Variants in ROBO2 observed in about 807,000 individuals in gnomAD.
ROBO2 encodes roundabout guidance receptor 2, also known as roundabout homolog 2.
In ROBO2, 53 loss-of-function variants were observed where a neutral mutation model predicts 160.8. That is an observed-to-expected ratio of 0.33 (90% CI 0.26 to 0.41). ROBO2 has a LOEUF of 0.41. Among genes scored for constraint, ROBO2 ranks in the 10% least tolerant of loss-of-function variants. The pLI, the probability that ROBO2 is intolerant of heterozygous loss-of-function variation, is 1.00. For synonymous variants in ROBO2, 664 were observed against 611.7 expected (o/e 1.09, Z -1.26); for missense variants, 1,577 against 1,722.4 (o/e 0.92, Z 1.49).
At chr3:76,879,132 A>C (rs2073082919) in intron 2 of ROBO2, among the ~76,000 whole-genome samples, 1 of 152,166 alleles carries the variant, frequency 6.6e-6, no homozygotes, top group Non-Finnish European at 1.5e-5. Flanking sequence ...TTCTACTTTT[A>C]TGTAAACGTT....
chr3:77,416,677 A>G (rs1472647765), intron 2 of ROBO2, among the ~76,000 whole-genome samples: 1 of 144,606 alleles, frequency 6.9e-6, no homozygotes, highest in African/African-American at 2.6e-5. Flanking sequence ...AGATCATGCC[A>G]CTGCACTCTA....
intron 2 of ROBO2, among the ~76,000 whole-genome samples, chr3:76,097,099 C>T (rs1046634915): frequency 5.3e-5 from 8 of 152,120 alleles, no homozygotes; most frequent in Non-Finnish European, 8.8e-5. Flanking sequence ...TGCATCTGGA[C>T]TGGTGGGAAA....
At chr3:76,443,253 T>A (rs553997165) in intron 2 of ROBO2, among the ~76,000 whole-genome samples, 12 of 152,150 alleles carry the variant, frequency 7.9e-5, no homozygotes, top group African/African-American at 2.9e-4. Context: ...ATGACCCAAA[T>A]ACCTCCCATC....
chr3:76,846,570 C>A (rs2148505304), intron 2 of ROBO2, among the ~76,000 whole-genome samples: 2 of 152,202 alleles, frequency 1.3e-5, no homozygotes, highest in Middle Eastern at 6.8e-3. Flanking sequence ...CTGATGGGTA[C>A]ATTGTTATTC....
intron 2 of ROBO2, among the ~76,000 whole-genome samples, chr3:76,928,535 A>G (rs933038377): frequency 2.0e-5 from 3 of 150,606 alleles, no homozygotes; most frequent in African/African-American, 4.9e-5. Context: ...TTTTAATATT[A>G]TTAGATGTTC....
rs564006373 is a variant in ROBO2, at chr3:77,315,914, T to C, written c.389-161500T>C. 7.9e-5 allele frequency among the ~76,000 whole-genome samples: 12 copies of C among 152,282 alleles called. No individual in the cohort carries two copies. The East Asian group carries it at 2.3e-3, about 29-fold the overall frequency. ...TTTTTTTTGAGGTTTCAATATTTTATTCAAGTTTCTGTAAGTGATGTTAAT... is the reference window on the plus strand; with the variant it reads ...TTTTTTTTGAGGTTTCAATATTTTACTCAAGTTTCTGTAAGTGATGTTAAT... On this transcript the variant is annotated intron_variant, in intron 2 of 25. Transcript: ENST00000461745.
At chr3:76,887,611 A>G (rs1251439209) in intron 2 of ROBO2, among the ~76,000 whole-genome samples, 1 of 152,120 alleles carries the variant, frequency 6.6e-6, no homozygotes, top group Non-Finnish European at 1.5e-5. Flanking sequence ...GCTGTTATAA[A>G]AAATGTCCTG....
At chr3:76,415,572 C>T (rs1444136543) in intron 2 of ROBO2, among the ~76,000 whole-genome samples, 1 of 152,042 alleles carries the variant, frequency 6.6e-6, no homozygotes, top group African/African-American at 2.4e-5. Context: ...TTTGTCATCA[C>T]TAAAGAAAAA....
At chr3:76,732,944 C>A (rs1417345260) in intron 2 of ROBO2, among the ~76,000 whole-genome samples, 1 of 139,714 alleles carries the variant, frequency 7.2e-6, no homozygotes, top group Non-Finnish European at 1.5e-5. Flanking sequence ...CCTTATGGCC[C>A]TGAAGTGTTC....
At chr3:76,949,939 T>C (rs2078858863) in intron 2 of ROBO2, among the ~76,000 whole-genome samples, 1 of 152,248 alleles carries the variant, frequency 6.6e-6, no homozygotes, top group African/African-American at 2.4e-5. Context: ...ATTCAACCTA[T>C]ATAAGATACA....
At chr3:76,245,239 G>C (rs1576071160) in intron 2 of ROBO2, among the ~76,000 whole-genome samples, 2 of 152,294 alleles carry the variant, frequency 1.3e-5, no homozygotes, top group East Asian at 3.9e-4. Context: ...CTTCAAATAT[G>C]TGGGTTAAGT....
chr3:77,325,870 A>T (rs1249681334), intron 2 of ROBO2, among the ~76,000 whole-genome samples: 1 of 152,194 alleles, frequency 6.6e-6, no homozygotes, highest in African/African-American at 2.4e-5. Flanking sequence ...CTCCTGGAAG[A>T]TGGAAAAGCT....
chr3:77,029,188 T>G (rs973035338), intron 2 of ROBO2, among the ~76,000 whole-genome samples: 1 of 152,094 alleles, frequency 6.6e-6, no homozygotes, highest in Non-Finnish European at 1.5e-5. Context: ...TGTGTGTGTA[T>G]GTGTGTGTGT....
intron 2 of ROBO2, among the ~76,000 whole-genome samples, chr3:76,621,788 T>C (rs13074403): frequency 0.38 from 57,489 of 152,128 alleles, 11,162 homozygotes; most frequent in East Asian, 0.47. Flanking sequence ...TTAAATCTAG[T>C]TTATGAAATT....
intron 5 of ROBO2, among the ~76,000 whole-genome samples, chr3:77,506,881 CAA>C (rs1372612548): frequency 6.6e-6 from 1 of 151,908 alleles, no homozygotes; most frequent in African/African-American, 2.4e-5. Context: ...GATGGTTATA[CAA>C]AATGAGATAA....
In ROBO2 at chr3:76,666,314, C is replaced by G. The variant is rs369211807; in HGVS notation, c.110-431700C>G. Among the ~76,000 whole-genome samples the G allele has an allele frequency of 8.5e-5, 13 of 152,122 alleles. No homozygotes were observed. In the East Asian group the frequency reaches 1.7e-3, roughly 20 times the overall value. On this transcript the variant is annotated intron_variant, in intron 2 of 26. Transcript: ENST00000487694. ...TAATTAGATTGTGAGCTGAAGTTCT[C>G]AATGATGACCAACTTTTAAGCAGGC...
chr3:76,864,801 A>T (rs556342960), intron 2 of ROBO2, among the ~76,000 whole-genome samples: 8 of 152,226 alleles, frequency 5.3e-5, no homozygotes, highest in African/African-American at 1.9e-4. Flanking sequence ...ATCAATAATG[A>T]TCTAAACTTC....
chr3:76,054,242 A>G (rs563444078), intron 2 of ROBO2, among the ~76,000 whole-genome samples: 3 of 152,294 alleles, frequency 2.0e-5, no homozygotes, highest in Admixed American at 6.5e-5. Context: ...TAAATTGTAT[A>G]CAATATTGTG....
intron 2 of ROBO2, among the ~76,000 whole-genome samples, chr3:76,201,024 T>G (rs1386210000): frequency 6.6e-6 from 1 of 150,426 alleles, no homozygotes; most frequent in Admixed American, 6.6e-5. Context: ...AGGGTTTGAA[T>G]TATTTATATT....
Sources: gnomAD v4.1 joint callset for allele counts (sites outside exome capture counted in the v4.1 genomes callset) on GRCh38, gnomAD v4.1.1 for gene constraint, MANE v1.5 for transcripts, NCBI Gene and HGNC (gene_info 2026-07-23, HGNC 2026-07-21) for gene names.